The following HS6ST3 variants were observed in gnomAD, a reference collection of about 807,000 sequenced individuals.
HS6ST3 encodes the protein heparan-sulfate 6-O-sulfotransferase 3.
In HS6ST3, 12 loss-of-function variants were observed where a neutral mutation model predicts 36.7. That is an observed-to-expected ratio of 0.33 (90% CI 0.21 to 0.53). HS6ST3 has a LOEUF of 0.53. Ranked by LOEUF, HS6ST3 falls within the 20% of genes least tolerant of loss-of-function variation. The pLI is 0.95. For synonymous variants in HS6ST3, 240 were observed against 257.5 expected, an observed-to-expected ratio of 0.93 and a Z score of 0.65; for missense variants, 584 against 640.9, an observed-to-expected ratio of 0.91 and a Z score of 0.96.
intron 1 of HS6ST3, among the ~76,000 whole-genome samples, chr13:96,523,301 T>G (rs1241658206): frequency 6.6e-6 from 1 of 152,194 alleles, no homozygotes; most frequent in East Asian, 1.9e-4. Context: ...TTTACATTTT[T>G]TTCCTCATTT....
chr13:96,244,421 G>A (rs192527599), intron 1 of HS6ST3, among the ~76,000 whole-genome samples: 130 of 152,244 alleles, frequency 8.5e-4, no homozygotes, highest in Non-Finnish European at 1.5e-3. Context: ...TGCATGAAAA[G>A]AGAGCTTATT....
chr13:96,554,391 A>G (rs1030643913), intron 1 of HS6ST3, among the ~76,000 whole-genome samples: 6 of 152,236 alleles, frequency 3.9e-5, no homozygotes, highest in African/African-American at 1.4e-4. Flanking sequence ...GAATAAGAGT[A>G]CCATATTTAA....
At chr13:96,328,515 A>G (rs1348684613) in intron 1 of HS6ST3, among the ~76,000 whole-genome samples, 6 of 152,058 alleles carry the variant, frequency 3.9e-5, no homozygotes, top group Non-Finnish European at 8.8e-5. Flanking sequence ...CCAGCCTTGC[A>G]TCCCAGGGAT....
intron 1 of HS6ST3, among the ~76,000 whole-genome samples, chr13:96,536,902 A>G (rs1278021392): frequency 1.3e-5 from 2 of 152,278 alleles, no homozygotes; most frequent in East Asian, 1.9e-4. Context: ...CCACCTACCT[A>G]TACAGGTGGT....
intron 1 of HS6ST3, among the ~76,000 whole-genome samples, chr13:96,284,971 CTTTCTTGA>C (rs2054794821): frequency 7.5e-6 from 1 of 133,002 alleles, no homozygotes; most frequent in Non-Finnish European, 1.6e-5. Context: ...TTCTTTCTTT[CTTTCTTGA>C]AAACTGAGAT....
chr13:96,145,111 TGTGCG>T (rs1217965145), intron 1 of HS6ST3, among the ~76,000 whole-genome samples: 1 of 5,830 alleles, frequency 1.7e-4, no homozygotes, highest in Admixed American at 1.2e-3. Flanking sequence ...TAAACATACG[TGTGCG>T]TGTGCATGTG....
intron 1 of HS6ST3, among the ~76,000 whole-genome samples, chr13:96,217,279 CT>C (rs1245283808): frequency 6.6e-6 from 1 of 152,188 alleles, no homozygotes; most frequent in Non-Finnish European, 1.5e-5. Context: ...TCTTCCCCAA[CT>C]TGAAGAGAGG....
At chr13:96,548,608 G>A (rs1051287556) in intron 1 of HS6ST3, among the ~76,000 whole-genome samples, 21 of 152,194 alleles carry the variant, frequency 1.4e-4, no homozygotes, top group African/African-American at 4.6e-4. Flanking sequence ...GTCTACCTAT[G>A]TGTATGTCTA....
chr13:96,827,184 A>G (rs891686935), intron 1 of HS6ST3, among the ~76,000 whole-genome samples: 1 of 152,220 alleles, frequency 6.6e-6, no homozygotes, highest in African/African-American at 2.4e-5. Flanking sequence ...GACATGGAAT[A>G]TTAGTCTTTG....
At chr13:96,460,886 G>A (rs935000347) in intron 1 of HS6ST3, among the ~76,000 whole-genome samples, 1 of 152,178 alleles carries the variant, frequency 6.6e-6, no homozygotes, top group African/African-American at 2.4e-5. Flanking sequence ...TTCAAACAAT[G>A]CATGGGAGCT....
chr13:96,748,001 GGTCT>G (rs888848120), intron 1 of HS6ST3, among the ~76,000 whole-genome samples: 20 of 152,142 alleles, frequency 1.3e-4, no homozygotes, highest in African/African-American at 4.6e-4. Context: ...GAAGGCTGTA[GGTCT>G]GTCTCACTTC....
intron 1 of HS6ST3, among the ~76,000 whole-genome samples, chr13:96,798,843 T>C (rs1877974594): frequency 6.6e-6 from 1 of 152,092 alleles, no homozygotes; most frequent in Non-Finnish European, 1.5e-5. Flanking sequence ...GCTAGAATTC[T>C]GAGATCAAGG....
intron 1 of HS6ST3, among the ~76,000 whole-genome samples, chr13:96,133,597 A>G (rs1422818071): frequency 6.6e-6 from 1 of 150,708 alleles, no homozygotes; most frequent in Non-Finnish European, 1.5e-5. Context: ...TGATTTTTGT[A>G]TTTTTAGTAG....
chr13:96,399,155 AC>A (rs2055436619), intron 1 of HS6ST3, among the ~76,000 whole-genome samples: 1 of 152,246 alleles, frequency 6.6e-6, no homozygotes, highest in Non-Finnish European at 1.5e-5. Flanking sequence ...GTTTCTGAAT[AC>A]TTCTCTGATT....
At chr13:96,340,041 T>C (rs974396495) in intron 1 of HS6ST3, among the ~76,000 whole-genome samples, 3 of 152,194 alleles carry the variant, frequency 2.0e-5, no homozygotes, top group Admixed American at 2.0e-4. Flanking sequence ...TTCCAGACTT[T>C]CCCCTTTTCT....
intron 1 of HS6ST3, among the ~76,000 whole-genome samples, chr13:96,742,654 AT>A (rs1876468919): frequency 6.6e-6 from 1 of 152,140 alleles, no homozygotes; most frequent in South Asian, 2.1e-4. Context: ...TCAACTGCAT[AT>A]TCAGACTTGT....
chr13:96,609,858 G>C (rs902984076), intron 1 of HS6ST3, among the ~76,000 whole-genome samples: 1 of 152,184 alleles, frequency 6.6e-6, no homozygotes, highest in African/African-American at 2.4e-5. Context: ...TGATGGAAAA[G>C]GAACTAGCAA....
At chr13:96,121,007 A>G (rs574990783) in intron 1 of HS6ST3, among the ~76,000 whole-genome samples, 4 of 152,310 alleles carry the variant, frequency 2.6e-5, no homozygotes, top group Non-Finnish European at 4.4e-5. Context: ...TGGATAGGAA[A>G]AGTGCCTAAT....
In HS6ST3 at chr13:96,497,559, C is replaced by T. The variant is rs139948267; in HGVS notation, c.708-334931C>T. Among the ~76,000 whole-genome samples, 602 of 152,274 alleles carry T rather than the reference C, an allele frequency of 4.0e-3. 6 individuals are homozygous for T. The highest frequency in any genetic ancestry group is 5.7e-3 in the Non-Finnish European group (390 of 68,012). On this transcript the variant is annotated intron_variant, in intron 1 of 1. Coordinates refer to ENST00000376705, the MANE Select transcript of HS6ST3 (RefSeq NM_153456.4). ...GTAGACAGATGCAGCAGCCTTCTAA[C>T]TCCTCCCCCAGCCCCTTTGCTCAGA...
Sources: gnomAD v4.1 joint callset for allele counts (sites outside exome capture counted in the v4.1 genomes callset) on GRCh38, gnomAD v4.1.1 for gene constraint, MANE v1.5 for transcripts, NCBI Gene and HGNC (gene_info 2026-07-23, HGNC 2026-07-21) for gene names.